The following OR8B3 variants were observed in gnomAD, a reference collection of about 807,000 sequenced individuals.
The protein encoded by OR8B3 is olfactory receptor family 8 subfamily B member 3.
For synonymous variants in OR8B3, 102 were observed against 135.4 expected (o/e 0.75, Z 1.71); for missense variants, 278 against 377.6 (o/e 0.74, Z 2.19).
chr11:124,399,586 T>G (rs1565351913), upstream of OR8B3, among the ~76,000 whole-genome samples: 1 of 152,206 alleles, frequency 6.6e-6, no homozygotes, highest in Non-Finnish European at 1.5e-5. Context: ...TTTGTGCTTG[T>G]GAGAAGGCAT....
At chr11:124,400,589 A>G (rs1860978707), upstream of OR8B3, among the ~76,000 whole-genome samples, 1 of 152,000 alleles carries the variant, frequency 6.6e-6, no homozygotes, top group Non-Finnish European at 1.5e-5. Context: ...CCCTGGCTGG[A>G]GTACAGTGGC....
At chr11:124,399,885 CTT>C (rs35671436), upstream of OR8B3, among the ~76,000 whole-genome samples, 130 of 141,768 alleles carry the variant, frequency 9.2e-4, no homozygotes, top group East Asian at 1.0e-3. Context: ...ACAGAATTCT[CTT>C]TTTTTTTTTT....
At chr11:124,400,396 A>G (rs1860974618), upstream of OR8B3, among the ~76,000 whole-genome samples, 2 of 152,230 alleles carry the variant, frequency 1.3e-5, no homozygotes, top group South Asian at 4.2e-4. Context: ...ATTATTAACT[A>G]TACTCTCCAG....
In OR8B3 at chr11:124,395,543, G is replaced by C. The variant is rs1860847261; in HGVS notation, c.*867C>G. 6.6e-6 allele frequency: 1 copy of C among 152,026 alleles called. No homozygotes were observed. 9.4% of individuals were successfully genotyped at this position (152,026 alleles called of 1,614,324 possible). On this transcript the variant is annotated 3_prime_UTR_variant, in exon 2 of 2. Coordinates refer to ENST00000641139, the MANE Select transcript of OR8B3 (RefSeq NM_001005467.2). ...AAACCACATTGGATAAGTAACCATTGTGTAAAATATTTCTGCTAACTTAAT... is the reference window on the plus strand; with the variant it reads ...AAACCACATTGGATAAGTAACCATTCTGTAAAATATTTCTGCTAACTTAAT...
chr11:124,407,568 C>T, the OR8B3 span, among the ~76,000 whole-genome samples: 53 of 152,184 alleles, frequency 3.5e-4, no homozygotes, highest in African/African-American at 1.3e-3. Flanking sequence ...GCCAGGTCAT[C>T]CAGGTTACCC....
upstream of OR8B3, among the ~76,000 whole-genome samples, chr11:124,403,136 A>G (rs539648442): frequency 2.0e-5 from 3 of 152,370 alleles, no homozygotes; most frequent in South Asian, 4.1e-4. Context: ...CAGAGAGCAC[A>G]GGGTTTGGGG....
upstream of OR8B3, among the ~76,000 whole-genome samples, chr11:124,403,441 C>A (rs1485627176): frequency 6.6e-6 from 1 of 151,368 alleles, no homozygotes; most frequent in Non-Finnish European, 1.5e-5. Context: ...TCAGACGGGG[C>A]GGCCGGGCAG....
Position 124,396,931 on chromosome 11 carries a change from A to C in OR8B3, c.421T>G (p.Cys141Gly). ...LYKVTMSHQV[C>G]SMLTFAAYIM... Reference sequence around the variant, plus strand: ...TAAGCAGCAAAAGTGAGCATAGAACAGACCTGATGGGACATGGTGACCTTA... The same window carrying C: ...TAAGCAGCAAAAGTGAGCATAGAACCGACCTGATGGGACATGGTGACCTTA... The change falls in exon 2 of 2, where the codon TGT (cysteine) becomes GGT (glycine). Residue 141 changes from cysteine (C) to glycine (G), a missense_variant. Cys to Gly is a radical substitution (Grantham distance 159). Transcript: ENST00000641139. The C allele has an allele frequency of 1.9e-6, 3 of 1,607,726 alleles. No homozygotes were observed. Among genetic ancestry groups the C allele is most frequent in the Non-Finnish European group, 2.5e-6 (3 of 1,176,658 alleles).
the OR8B3 span, among the ~76,000 whole-genome samples, chr11:124,408,910 A>T: frequency 6.6e-6 from 1 of 152,222 alleles, no homozygotes; most frequent in Non-Finnish European, 1.5e-5. Context: ...ATAGGACTGC[A>T]GAACAACCTC....
At position 124,396,547 on chromosome 11, in the gene OR8B3, G is replaced by A. The variant is rs758532161; in HGVS notation, c.805C>T (p.Gln269Ter). Residue 269 changes from glutamine to a stop codon, truncating the protein, a stop_gained, in exon 2 of 2, where the codon CAG becomes TAG. Transcript: ENST00000641139. LOFTEE classifies it low-confidence loss of function (END_TRUNC). Reference protein sequence around the residue: ...YIKYSSGSMEQGKVSSVFYTN... With the variant: ...YIKYSSGSME ...TAGAAAACAGAAGAAACTTTTCCCT[G>A]CTCCATAGATCCAGAAGAATATTTA... 1.2e-6 allele frequency: 2 copies of A among 1,613,640 alleles called. No individual in the cohort carries two copies. The highest frequency in any genetic ancestry group is 1.1e-5 in the South Asian group (1 of 91,058).
chr11:124,403,872 A>G, upstream of OR8B3, among the ~76,000 whole-genome samples: 1 of 152,222 alleles, frequency 6.6e-6, no homozygotes. Flanking sequence ...GCACCTCGGG[A>G]GGCCGAGGCT....
the OR8B3 span, among the ~76,000 whole-genome samples, chr11:124,407,660 A>T: frequency 6.6e-6 from 1 of 152,198 alleles, no homozygotes; most frequent in African/African-American, 2.4e-5. Flanking sequence ...AAATTTTTCT[A>T]TTAATTTCTA....
At chr11:124,403,303 C>T (rs555832651), upstream of OR8B3, among the ~76,000 whole-genome samples, 776 of 152,232 alleles carry the variant, frequency 5.1e-3, 5 homozygotes, top group African/African-American at 0.017. Flanking sequence ...TGGACAAAAC[C>T]GCCATCGTCA....
Position 124,396,192 on chromosome 11 carries a change from C to G in OR8B3, c.*218G>C, listed in dbSNP as rs963755116. On this transcript the variant is annotated 3_prime_UTR_variant, in exon 2 of 2. Transcript: ENST00000641139. ...AATGAAAAATATCAGTGCATATGTT[C>G]CTTTTACAAAGATGCCATGACCTAT... 2.0e-6 allele frequency: 1 copy of G among 511,950 alleles called. No individual in the cohort carries two copies. The highest frequency in any genetic ancestry group is 1.9e-5 in the African/African-American group (1 of 51,580). 31.7% of individuals were successfully genotyped at this position (511,950 alleles called of 1,614,324 possible). A position where few individuals can be genotyped will look rare whatever the true frequency, so the allele number is the denominator to read the frequency against.
At chr11:124,401,621 AAAG>A (rs1860997081), upstream of OR8B3, among the ~76,000 whole-genome samples, 1 of 152,240 alleles carries the variant, frequency 6.6e-6, no homozygotes, top group Admixed American at 6.5e-5. Flanking sequence ...ACAAAATAAC[AAAG>A]AAGCTCTAAT....
chr11:124,400,165 A>G (rs1467727430), upstream of OR8B3, among the ~76,000 whole-genome samples: 2 of 152,154 alleles, frequency 1.3e-5, no homozygotes, highest in Non-Finnish European at 2.9e-5. Context: ...CCAGCCAAAA[A>G]TATCCATCTT....
chr11:124,408,522 AAGG>A, the OR8B3 span, among the ~76,000 whole-genome samples: 1 of 152,206 alleles, frequency 6.6e-6, no homozygotes, highest in Admixed American at 6.5e-5. Context: ...ACATGTTCAT[AAGG>A]AGCAGAATGG....
At position 124,396,760 on chromosome 11, in the gene OR8B3, C is replaced by G; in HGVS notation, c.592G>C (p.Val198Leu). The G allele has an allele frequency of 6.2e-7, 1 of 1,613,842 alleles. No individual in the cohort carries two copies. Among genetic ancestry groups the G allele is most frequent in the Non-Finnish European group, 8.5e-7 (1 of 1,179,842 alleles). Residue 198 changes from valine (V) to leucine (L), a missense_variant, in exon 2 of 2, where the codon GTT (valine) becomes CTT (leucine). By Grantham distance (32) the Val-to-Leu change is conservative. Transcript: ENST00000641139. ...SCTSTYVNEVVVLIVVGINIM... is the reference protein window; with the variant it reads ...SCTSTYVNEVLVLIVVGINIM... ...TTAATACCCACAACAATGAGAACAACCACCTCGTTGACATAGGTGCTGGTG... is the reference window on the plus strand; with the variant it reads ...TTAATACCCACAACAATGAGAACAAGCACCTCGTTGACATAGGTGCTGGTG...
intron 1 of OR8B3, among the ~76,000 whole-genome samples, chr11:124,398,190 C>G (rs924783540): frequency 1.4e-4 from 21 of 152,056 alleles, no homozygotes; most frequent in African/African-American, 5.1e-4. Context: ...AACAGAAGAC[C>G]CTTAGTAGTC....
Sources: allele counts gnomAD v4.1 joint callset (sites outside exome capture counted in the v4.1 genomes callset), GRCh38; gene constraint gnomAD v4.1.1; transcripts MANE v1.5; gene names NCBI Gene and HGNC (gene_info 2026-07-23, HGNC 2026-07-21).